ANKRD30B: variants seen among roughly 807,000 people sequenced by gnomAD.
ANKRD30B encodes ankyrin repeat domain 30B, also known as ankyrin repeat domain-containing protein 30B.
A neutral mutation model predicts 202.2 loss-of-function variants in ANKRD30B; 144 were observed. That is an observed-to-expected ratio of 0.71 (90% CI 0.62 to 0.82). The LOEUF (loss-of-function observed/expected upper bound fraction) is 0.82, where lower values mean the gene tolerates loss of function less well. Ranked by LOEUF, ANKRD30B falls within the 40% of genes least tolerant of loss-of-function variation. The probability of loss-of-function intolerance (pLI) is 0.00; values close to 1 mark genes in which losing one functional copy is unlikely to be tolerated. For synonymous variants in ANKRD30B, 508 were observed against 561.3 expected (o/e 0.91, Z 1.34); for missense variants, 1,487 against 1,669.1 (o/e 0.89, Z 1.90).
intron 41 of ANKRD30B, 95 bp downstream of exon 41, chr18:14,850,477 C>A: frequency 3.2e-6 from 4 of 1,234,658 alleles, no homozygotes; most frequent in Non-Finnish European, 4.3e-6. Flanking sequence ...TTATTCAGGT[C>A]TAAATCAAAG....
At chr18:14,826,699 A>T (rs200146881) in intron 32 of ANKRD30B, among the ~76,000 whole-genome samples, 17,038 of 142,704 alleles carry the variant, frequency 0.12, 1,059 homozygotes, top group East Asian at 0.25. Flanking sequence ...TCTCTCACAC[A>T]CACACACACA....
At chr18:14,789,331 T>G (rs1397394554) in intron 15 of ANKRD30B, among the ~76,000 whole-genome samples, 2 of 152,168 alleles carry the variant, frequency 1.3e-5, no homozygotes, top group East Asian at 1.9e-4. Flanking sequence ...GTTCTCCCAT[T>G]TTGTAGGTTG....
the ANKRD30B span, among the ~76,000 whole-genome samples, chr18:14,939,364 CT>C: frequency 6.6e-6 from 1 of 152,190 alleles, no homozygotes; most frequent in Non-Finnish European, 1.5e-5. Flanking sequence ...TCCCCAGTGG[CT>C]CAGGGGCCCA....
chr18:14,752,606 G>A lies in ANKRD30B; in HGVS notation c.262G>A (p.Val88Ile), dbSNP rs1384388906. ...HWACVNGHAE[V>I]VTFLVDRKCQ... ...GGCCTGTGTCAATGGCCATGCAGAA[G>A]TAGTAACATTTCTGGTAGACAGAAA... Residue 88 changes from valine (V) to isoleucine (I), a missense_variant, in exon 2 of 44, where the codon GTA becomes ATA. Around this residue, in one of 6 missense-constraint regions of ANKRD30B, gnomAD observed 889 missense variants for 841.4 expected, o/e 1.06. Transcript: ENST00000690538. 1.2e-6 allele frequency: 2 copies of A among 1,612,718 alleles called. No homozygotes were observed. The highest frequency in any genetic ancestry group is 1.7e-6 in the Non-Finnish European group (2 of 1,179,186).
At chr18:14,823,641 T>G (rs1970546679) in intron 32 of ANKRD30B, among the ~76,000 whole-genome samples, 1 of 152,132 alleles carries the variant, frequency 6.6e-6, no homozygotes, top group Non-Finnish European at 1.5e-5. Flanking sequence ...CAAAACAGCC[T>G]GAATTAGCTT....
chr18:14,808,439 TC>T (rs1465750090), intron 24 of ANKRD30B, 111 bp from the exon 25 acceptor site: 1 of 1,151,836 alleles, frequency 8.7e-7, no homozygotes, highest in African/African-American at 1.5e-5. Context: ...CCTAGTGTAA[TC>T]CCTTTTCAAT....
At chr18:14,831,181 G>GAAAAAAAAAAAAAAAAAAAAAAAAAA (rs71305894) in intron 33 of ANKRD30B, among the ~76,000 whole-genome samples, 1 of 52,358 alleles carries the variant, frequency 1.9e-5, no homozygotes, top group Non-Finnish European at 3.4e-5. Context: ...CTCCGTCTCG[G>GAAAAAAAAAAAAAAAAAAAAAAAAAA]AAAAAAAAAA....
chr18:14,792,886 C>G (rs1424165382), intron 16 of ANKRD30B, among the ~76,000 whole-genome samples: 2 of 151,978 alleles, frequency 1.3e-5, no homozygotes, highest in Admixed American at 1.3e-4. Flanking sequence ...ACATGATATA[C>G]CAAACCAGAC....
the ANKRD30B span, among the ~76,000 whole-genome samples, chr18:14,914,151 T>C: frequency 2.0e-5 from 3 of 152,150 alleles, no homozygotes; most frequent in African/African-American, 4.8e-5. Context: ...TAAAAACAGG[T>C]TGATTGGTCT....
At chr18:14,793,240 T>A (rs1004160895) in intron 16 of ANKRD30B, among the ~76,000 whole-genome samples, 3 of 152,024 alleles carry the variant, frequency 2.0e-5, no homozygotes, top group African/African-American at 4.8e-5. Context: ...TTCATAACAC[T>A]TTCACTGATG....
At chr18:14,923,659 C>A in the ANKRD30B span, among the ~76,000 whole-genome samples, 1 of 152,176 alleles carries the variant, frequency 6.6e-6, no homozygotes, top group Non-Finnish European at 1.5e-5. Flanking sequence ...AAAATAGCAA[C>A]AAGGTACCCA....
chr18:14,785,712 G>A (rs1490718454), intron 14 of ANKRD30B, among the ~76,000 whole-genome samples: 1 of 152,146 alleles, frequency 6.6e-6, no homozygotes, highest in East Asian at 1.9e-4. Context: ...TATGATCTGA[G>A]TTTCTTGGAC....
chr18:14,836,545 C>G (rs1212391402), intron 34 of ANKRD30B, among the ~76,000 whole-genome samples: 5 of 152,168 alleles, frequency 3.3e-5, no homozygotes, highest in Non-Finnish European at 7.3e-5. Flanking sequence ...TTTGCCCCAT[C>G]TCCCCATGTT....
chr18:14,872,992 G>A, the ANKRD30B span, among the ~76,000 whole-genome samples: 6 of 152,220 alleles, frequency 3.9e-5, no homozygotes, highest in South Asian at 1.2e-3. Flanking sequence ...TGGATGTAGA[G>A]TTGCCACATG....
chr18:14,834,953 A>G (rs1359354509), intron 34 of ANKRD30B, among the ~76,000 whole-genome samples: 1 of 151,866 alleles, frequency 6.6e-6, no homozygotes, highest in Non-Finnish European at 1.5e-5. Context: ...ATTGTGAATT[A>G]TTACTTTTTG....
In ANKRD30B at chr18:14,842,899, T is replaced by C. The variant is rs1426967114; in HGVS notation, c.3082T>C (p.Ser1028Pro). 6.5e-7 allele frequency: 1 copy of C among 1,548,190 alleles called. No homozygotes were observed. Among genetic ancestry groups the C allele is most frequent in the African/African-American group, 1.4e-5 (1 of 72,976 alleles). The part of the protein sequence containing the change: ...IKTTNGKIEE[S>P]PEKPSHFEPA... ...AATAAATCTCTTTTGCTTTTTAGAG[T>C]CTCCTGAAAAGCCTTCTCACTTTGA... The change falls in exon 38 of 44, where the codon TCT becomes CCT. Residue 1028 changes from serine to proline, a missense_variant and splice_region_variant. Around this residue, in one of 6 missense-constraint regions of ANKRD30B, gnomAD observed 218 missense variants for 320.1 expected, o/e 0.68. Coordinates refer to ENST00000690538, the MANE Select transcript of ANKRD30B (RefSeq NM_001367607.2).
intron 7 of ANKRD30B, among the ~76,000 whole-genome samples, chr18:14,765,552 A>C (rs2143750179): frequency 6.6e-6 from 1 of 152,352 alleles, no homozygotes; most frequent in African/African-American, 2.4e-5. Flanking sequence ...GTAGAGTGAA[A>C]GCAGCCATAG....
At chr18:14,858,759 G>T (rs529203438), downstream of ANKRD30B, among the ~76,000 whole-genome samples, 19 of 94,748 alleles carry the variant, frequency 2.0e-4, no homozygotes, top group East Asian at 3.3e-4. Context: ...CACCTCCCAG[G>T]GGGGGCAGCC....
chr18:14,819,217 T>A (rs543094252), intron 30 of ANKRD30B, among the ~76,000 whole-genome samples: 5,963 of 148,468 alleles, frequency 0.04, 363 homozygotes, highest in African/African-American at 0.14. Flanking sequence ...TTGTTTGTTT[T>A]TTTCTTGTAA....
Sources: gnomAD v4.1 joint callset for allele counts (sites outside exome capture counted in the v4.1 genomes callset) on GRCh38, gnomAD v4.1.1 for gene constraint, gnomAD v4.1.1 regional missense constraint, MANE v1.5 for transcripts, NCBI Gene and HGNC (gene_info 2026-07-23, HGNC 2026-07-21) for gene names.